Variants in INPP4B observed in about 807,000 individuals in gnomAD.
INPP4B encodes the protein inositol polyphosphate-4-phosphatase type II B.
Under a neutral mutation model 122.5 loss-of-function variants are expected in INPP4B, and 55 were observed. The observed-to-expected ratio is 0.45, with a 90% CI of 0.36 to 0.56. The LOEUF (loss-of-function observed/expected upper bound fraction) is 0.56. Among genes scored for constraint, INPP4B ranks in the 20% least tolerant of loss-of-function variants. INPP4B has a pLI of 0.00. For missense variants in INPP4B, 1,000 were observed against 1,097.7 expected, an observed-to-expected ratio of 0.91 and a Z score of 1.26; for synonymous variants, 403 against 388.7, an observed-to-expected ratio of 1.04 and a Z score of -0.43.
At chr4:142,297,504 T>C (rs1579642225) in intron 9 of INPP4B, among the ~76,000 whole-genome samples, 2 of 152,316 alleles carry the variant, frequency 1.3e-5, no homozygotes, top group East Asian at 3.9e-4. Flanking sequence ...TTGCAAGATC[T>C]GGTTGATTCA....
intron 16 of INPP4B, among the ~76,000 whole-genome samples, chr4:142,163,657 T>A (rs940504598): frequency 1.3e-5 from 2 of 151,892 alleles, no homozygotes; most frequent in African/African-American, 4.8e-5. Flanking sequence ...AATTGTATCA[T>A]AGCTATGCAT....
intron 16 of INPP4B, among the ~76,000 whole-genome samples, chr4:142,170,613 A>G (rs936533040): frequency 1.3e-5 from 2 of 151,878 alleles, no homozygotes; most frequent in South Asian, 2.1e-4. Context: ...GGAAGACTAC[A>G]TGTTAAAATA....
intron 1 of INPP4B, among the ~76,000 whole-genome samples, chr4:142,784,879 C>T (rs1229144736): frequency 1.3e-5 from 2 of 151,944 alleles, no homozygotes; most frequent in African/African-American, 4.8e-5. Context: ...AAAAACAGCC[C>T]CCTTTAGGCT....
At chr4:142,523,812 C>T (rs1206908035) in intron 2 of INPP4B, among the ~76,000 whole-genome samples, 2 of 123,910 alleles carry the variant, frequency 1.6e-5, no homozygotes, top group African/African-American at 6.1e-5. Flanking sequence ...CCCCCCTCCC[C>T]CCACCCCACA....
chr4:142,094,287 T>G (rs1338896938), intron 23 of INPP4B, among the ~76,000 whole-genome samples: 1 of 152,166 alleles, frequency 6.6e-6, no homozygotes, highest in Non-Finnish European at 1.5e-5. Flanking sequence ...CAAGTTAAAC[T>G]GGGTGAACAA....
At chr4:142,414,872 A>G (rs1805349210) in intron 5 of INPP4B, among the ~76,000 whole-genome samples, 1 of 152,204 alleles carries the variant, frequency 6.6e-6, no homozygotes, top group Admixed American at 6.5e-5. Context: ...AAGTGTTTGC[A>G]GCTTTCTGCT....
intron 7 of INPP4B, among the ~76,000 whole-genome samples, chr4:142,326,966 T>C (rs1772611817): frequency 6.6e-6 from 1 of 152,188 alleles, no homozygotes; most frequent in African/African-American, 2.4e-5. Context: ...CCTTCCAAAA[T>C]CTATGCCCCT....
At position 142,260,576 on chromosome 4, in the gene INPP4B, T is replaced by G. The variant is rs750377623; in HGVS notation, c.616-12A>C. On this transcript the variant is annotated splice_polypyrimidine_tract_variant and intron_variant, in intron 10 of 25. Coordinates refer to ENST00000262992, the MANE Select transcript of INPP4B (RefSeq NM_001101669.3). ...CATACCAGGGCACACTAGGAAAAAA[T>G]GTAAAAAAAAAAAAAAAATTTTGAG... 2.8e-6 allele frequency: 4 copies of G among 1,454,194 alleles called. No individual in the cohort carries two copies. Among genetic ancestry groups the G allele is most frequent in the Admixed American group, 2.5e-5 (1 of 40,482 alleles). 90.1% of individuals were successfully genotyped at this position (1,454,194 alleles called of 1,614,324 possible).
rs529729720 is a variant in INPP4B, at chr4:142,149,908, A to G, written c.1564-3912T>C. Among the ~76,000 whole-genome samples, 19 of 152,318 alleles carry G rather than the reference A, an allele frequency of 1.2e-4. 1 individual carries two copies. Among genetic ancestry groups the G allele is most frequent in the African/African-American group, 4.1e-4 (17 of 41,570 alleles). On this transcript the variant is annotated intron_variant, in intron 17 of 25. Transcript: ENST00000262992. ...GAGCAAGGTGCAGATAACAAGGAGG[A>G]AAGATGATAATTCAATTACTAGAAG...
At chr4:142,674,621 G>A (rs1757463171) in intron 2 of INPP4B, among the ~76,000 whole-genome samples, 2 of 152,066 alleles carry the variant, frequency 1.3e-5, no homozygotes. Context: ...CCACATAATT[G>A]AAAGTAAAAC....
chr4:142,510,425 G>A (rs550546909), intron 2 of INPP4B, among the ~76,000 whole-genome samples: 1 of 152,230 alleles, frequency 6.6e-6, no homozygotes, highest in South Asian at 2.1e-4. Context: ...AGTTATTATA[G>A]CAATAATAAA....
intron 9 of INPP4B, among the ~76,000 whole-genome samples, chr4:142,291,737 C>T (rs1756561451): frequency 6.6e-6 from 1 of 152,034 alleles, no homozygotes. Context: ...GTTCATAAAG[C>T]TCTAATTGAG....
intron 7 of INPP4B, among the ~76,000 whole-genome samples, chr4:142,340,412 C>CTT (rs1554039282): frequency 4.6e-5 from 7 of 151,526 alleles, no homozygotes; most frequent in Admixed American, 2.0e-4. Context: ...TTTTTTTTCT[C>CTT]TTTAAAATTT....
chr4:142,395,141 C>A (rs1176854716), intron 7 of INPP4B, among the ~76,000 whole-genome samples: 1 of 151,984 alleles, frequency 6.6e-6, no homozygotes, highest in Non-Finnish European at 1.5e-5. Flanking sequence ...TGTGTGAGTG[C>A]AGATAATAGT....
intron 11 of INPP4B, 45 bp from the exon 12 acceptor site, chr4:142,238,056 C>T: frequency 1.0e-6 from 1 of 981,992 alleles, no homozygotes; most frequent in Non-Finnish European, 1.5e-6. Context: ...TAAGCAAATG[C>T]ATGTCAGGTG....
chr4:142,117,420 A>G (rs1237513688), intron 21 of INPP4B, among the ~76,000 whole-genome samples: 1 of 152,192 alleles, frequency 6.6e-6, no homozygotes, highest in Non-Finnish European at 1.5e-5. Context: ...TCAATAAAAT[A>G]CTGGCAAACC....
intron 18 of INPP4B, among the ~76,000 whole-genome samples, chr4:142,137,257 C>G (rs1190704609): frequency 6.7e-6 from 1 of 149,398 alleles, no homozygotes; most frequent in Non-Finnish European, 1.5e-5. Flanking sequence ...TGATCTTTGA[C>G]AAACCTGAGA....
At chr4:142,046,769 A>G (rs1751710563) in intron 25 of INPP4B, among the ~76,000 whole-genome samples, 1 of 152,048 alleles carries the variant, frequency 6.6e-6, no homozygotes, top group South Asian at 2.1e-4. Context: ...AGTAGATTGG[A>G]AGATAAAGGA....
intron 9 of INPP4B, among the ~76,000 whole-genome samples, chr4:142,280,141 T>G (rs2150759854): frequency 6.6e-6 from 1 of 152,092 alleles, no homozygotes. Flanking sequence ...GCTCAGCTGC[T>G]TTTTATAAAG....
Sources: gnomAD v4.1 joint callset for allele counts (sites outside exome capture counted in the v4.1 genomes callset) on GRCh38, gnomAD v4.1.1 for gene constraint, MANE v1.5 for transcripts, NCBI Gene and HGNC (gene_info 2026-07-23, HGNC 2026-07-21) for gene names.